Variants in USP45 observed in about 807,000 individuals in gnomAD.
USP45 encodes the protein ubiquitin specific peptidase 45.
In USP45, 89 loss-of-function variants were observed where a neutral mutation model predicts 95.8. The ratio of observed to expected loss-of-function variants is 0.93; its 90% CI spans 0.78 to 1.11. The LOEUF (loss-of-function observed/expected upper bound fraction) is 1.11, where lower values mean the gene tolerates loss of function less well. Ranked by LOEUF, USP45 falls within the 50% of genes least tolerant of loss-of-function variation. The pLI, the probability that USP45 is intolerant of heterozygous loss-of-function variation, is 0.00. For missense variants in USP45, 898 were observed against 942.5 expected, an observed-to-expected ratio of 0.95 and a Z score of 0.62; for synonymous variants, 281 against 316.2, an observed-to-expected ratio of 0.89 and a Z score of 1.18.
At chr6:99,516,086 C>T (rs1454771626), upstream of USP45, among the ~76,000 whole-genome samples, 2 of 151,850 alleles carry the variant, frequency 1.3e-5, no homozygotes, top group African/African-American at 4.8e-5. Flanking sequence ...TCCGCCCCCA[C>T]ACCCCCGCCG....
intron 1 of USP45, among the ~76,000 whole-genome samples, chr6:99,514,475 G>A (rs1800675699): frequency 6.6e-6 from 1 of 152,028 alleles, no homozygotes; most frequent in African/African-American, 2.4e-5. Context: ...CAGTCTTAAG[G>A]CCTGCTATGT....
intron 8 of USP45, among the ~76,000 whole-genome samples, chr6:99,477,944 C>G (rs1315500967): frequency 6.6e-6 from 1 of 152,102 alleles, no homozygotes; most frequent in Non-Finnish European, 1.5e-5. Flanking sequence ...ACTGCAGAAC[C>G]CTATACTTAT....
At chr6:99,486,274 T>C (rs1793850754) in intron 7 of USP45, among the ~76,000 whole-genome samples, 1 of 152,170 alleles carries the variant, frequency 6.6e-6, no homozygotes, top group Admixed American at 6.6e-5. Flanking sequence ...ACCTAAGATA[T>C]AAGATTCAAA....
At position 99,502,018 on chromosome 6, in the gene USP45, AAGACC is replaced by A. The variant is rs1023919966; in HGVS notation, c.478+1742_478+1746del. 2.1e-5 allele frequency: 27 copies of A among 1,296,956 alleles called. No individual in the cohort carries two copies. In the Admixed American group the frequency reaches 6.3e-4, roughly 30 times the overall value. 80.3% of individuals were successfully genotyped at this position (1,296,956 alleles called of 1,614,324 possible). ...CAGGATGGGGCCTGGCCCTGCCAGA[AAGACC>A]AACCATGTGATTAGAATGTTGGGGG... On this transcript the variant is annotated intron_variant, in intron 5 of 17. Coordinates refer to ENST00000500704, the MANE Select transcript of USP45 (RefSeq NM_001346022.3).
chr6:99,439,693 G>T lies in USP45; in HGVS notation c.2160+76C>A, dbSNP rs557551871. ...AAGAGAAGTTATTTTTTTAGAAAAA[G>T]CATTGTCTAATAATATATAGGATAC... On this transcript the variant is annotated intron_variant, in intron 16 of 17. Coordinates refer to ENST00000500704, the MANE Select transcript of USP45 (RefSeq NM_001346022.3). The T allele has an allele frequency of 4.8e-6, 5 of 1,045,684 alleles. No homozygotes were observed. The South Asian group carries it at 1.0e-4, about 22-fold the overall frequency. The allele number at this position is 1,045,684 out of a possible 1,614,324, so 64.8% of individuals were successfully genotyped here. A position where few individuals can be genotyped will look rare whatever the true frequency, so the allele number is the denominator to read the frequency against.
At chr6:99,449,177 C>T (rs1431705290) in intron 13 of USP45, among the ~76,000 whole-genome samples, 2 of 152,084 alleles carry the variant, frequency 1.3e-5, no homozygotes, top group Non-Finnish European at 2.9e-5. Flanking sequence ...CAATATTAAC[C>T]TTAAATGTAC....
At chr6:99,473,038 T>C (rs571916738) in intron 9 of USP45, among the ~76,000 whole-genome samples, 64 of 150,618 alleles carry the variant, frequency 4.2e-4, no homozygotes, top group African/African-American at 1.5e-3. Flanking sequence ...TTTTTTTTTT[T>C]CTTTTTTAGA....
upstream of USP45, among the ~76,000 whole-genome samples, chr6:99,516,136 T>C (rs2209157): frequency 0.76 from 115,413 of 151,624 alleles, 44,528 homozygotes; most frequent in East Asian, 0.99. Context: ...ATTCGTCATA[T>C]ATTATTGTGG....
intron 4 of USP45, among the ~76,000 whole-genome samples, chr6:99,505,165 G>T (rs139842270): frequency 6.6e-6 from 1 of 152,288 alleles, no homozygotes; most frequent in African/African-American, 2.4e-5. Flanking sequence ...ATTTTGCTTG[G>T]CGCTTATTTG....
intron 5 of USP45, among the ~76,000 whole-genome samples, chr6:99,500,383 CA>C (rs1318445895): frequency 6.6e-6 from 1 of 152,164 alleles, no homozygotes; most frequent in Non-Finnish European, 1.5e-5. Flanking sequence ...CTTGGGCTCC[CA>C]AAGTGCTGGG....
chr6:99,488,444 A>G (rs1794479753), intron 6 of USP45, 149 bp from the exon 7 acceptor site: 1 of 686,848 alleles, frequency 1.5e-6, no homozygotes, highest in South Asian at 2.1e-5. Flanking sequence ...CATTTAGTAA[A>G]GGTCACTATT....
chr6:99,479,601 C>CCAA (rs372388406), intron 8 of USP45, among the ~76,000 whole-genome samples: 43 of 117,052 alleles, frequency 3.7e-4, no homozygotes, highest in African/African-American at 1.3e-3. Flanking sequence ...TTCCAACAGA[C>CCAA]AAAAAAAAAA....
chr6:99,505,118 T>C (rs959085506), intron 4 of USP45, among the ~76,000 whole-genome samples: 8 of 152,168 alleles, frequency 5.3e-5, no homozygotes, highest in African/African-American at 1.7e-4. Context: ...CTTGATTACA[T>C]ATAGAGATAG....
At chr6:99,459,665 A>T (rs1039783723) in intron 13 of USP45, among the ~76,000 whole-genome samples, 1 of 152,148 alleles carries the variant, frequency 6.6e-6, no homozygotes, top group Admixed American at 6.6e-5. Flanking sequence ...CTTTTTAATA[A>T]TAGCATTCTG....
At chr6:99,507,905 T>G (rs900978575) in intron 3 of USP45, among the ~76,000 whole-genome samples, 1 of 152,194 alleles carries the variant, frequency 6.6e-6, no homozygotes, top group South Asian at 2.1e-4. Context: ...AGACCAATCA[T>G]AGCGATTTCC....
intron 17 of USP45, 111 bp from the exon 18 acceptor site, chr6:99,435,957 CCTGAGAAGCCTG>C: frequency 5.3e-6 from 6 of 1,123,436 alleles, no homozygotes; most frequent in Non-Finnish European, 4.9e-6. Context: ...CCAAATTTTA[CCTGAGAAGCCTG>C]TTTTTTCTTG....
chr6:99,442,761 C>T (rs954277749), intron 15 of USP45, among the ~76,000 whole-genome samples: 2 of 151,996 alleles, frequency 1.3e-5, no homozygotes, highest in East Asian at 1.9e-4. Context: ...GCAGGAGAAT[C>T]GCTTGAACCC....
chr6:99,491,600 T>C (rs1202891106), intron 5 of USP45, among the ~76,000 whole-genome samples: 1 of 152,208 alleles, frequency 6.6e-6, no homozygotes, highest in African/African-American at 2.4e-5. Context: ...AAGGTCACAA[T>C]GATAATCTTC....
chr6:99,435,168 TTTAAG>T lies in USP45; in HGVS notation c.*543_*547del, dbSNP rs1459074536. The T allele has an allele frequency of 1.3e-5, 2 of 152,638 alleles. No homozygotes were observed. The highest frequency in any genetic ancestry group is 2.9e-5 in the Non-Finnish European group (2 of 68,036). 9.5% of individuals were successfully genotyped at this position (152,638 alleles called of 1,614,324 possible). A position where few individuals can be genotyped will look rare whatever the true frequency, so the allele number is the denominator to read the frequency against. ...TACCACTAGATGGCCCTGAGATGAT[TTTAAG>T]TTAAGTGGTACGTGGATAAACAATT... On this transcript the variant is annotated 3_prime_UTR_variant, in exon 18 of 18. Coordinates refer to ENST00000500704, the MANE Select transcript of USP45 (RefSeq NM_001346022.3).
Sources: gnomAD v4.1 joint callset for allele counts (sites outside exome capture counted in the v4.1 genomes callset) on GRCh38, gnomAD v4.1.1 for gene constraint, MANE v1.5 for transcripts, NCBI Gene and HGNC (gene_info 2026-07-23, HGNC 2026-07-21) for gene names.